The following PLEKHG4B variants were observed in gnomAD, a reference collection of about 807,000 sequenced individuals.
The protein encoded by PLEKHG4B is pleckstrin homology domain-containing family G member 4B.
In PLEKHG4B, 111 loss-of-function variants were observed where a neutral mutation model predicts 121.3. The observed-to-expected ratio is 0.92, with a 90% CI of 0.78 to 1.07. The LOEUF is 1.07. PLEKHG4B is among the 50% of genes least tolerant of loss of function. PLEKHG4B has a pLI of 0.00. For missense variants in PLEKHG4B, 1,831 were observed against 1,757.8 expected, an observed-to-expected ratio of 1.04 and a Z score of -0.74; for synonymous variants, 738 against 725.0, an observed-to-expected ratio of 1.02 and a Z score of -0.29.
intron 1 of PLEKHG4B, among the ~76,000 whole-genome samples, chr5:94,995 T>C (rs1263522207): frequency 6.6e-6 from 1 of 152,236 alleles, no homozygotes; most frequent in Non-Finnish European, 1.5e-5. Context: ...TACTGTCCTT[T>C]AACAGAATGT....
chr5:132,611 G>A (rs771856089), intron 2 of PLEKHG4B, among the ~76,000 whole-genome samples: 35 of 152,116 alleles, frequency 2.3e-4, no homozygotes, highest in Non-Finnish European at 4.7e-4. Flanking sequence ...TTCTACATGT[G>A]GCTAGCCGAT....
At chr5:142,856 C>T (rs750647547) in intron 3 of PLEKHG4B, among the ~76,000 whole-genome samples, 191 bp from the exon 4 acceptor site, 14 of 152,208 alleles carry the variant, frequency 9.2e-5, no homozygotes, top group Non-Finnish European at 1.6e-4. Context: ...GCCGCGTGTC[C>T]GTGATGACGC....
At chr5:138,332 C>T (rs182037899) in intron 2 of PLEKHG4B, among the ~76,000 whole-genome samples, 1 of 152,316 alleles carries the variant, frequency 6.6e-6, no homozygotes, top group African/African-American at 2.4e-5. Flanking sequence ...ATATTCTCCC[C>T]TTGCGTGAAG....
intron 1 of PLEKHG4B, among the ~76,000 whole-genome samples, chr5:107,570 G>A (rs948921381): frequency 3.3e-5 from 5 of 152,338 alleles, no homozygotes; most frequent in South Asian, 2.1e-4. Context: ...CTCTTCTTCC[G>A]GGAAGCTGGC....
intron 2 of PLEKHG4B, among the ~76,000 whole-genome samples, chr5:126,987 A>C (rs1734637520): frequency 6.6e-6 from 1 of 152,030 alleles, no homozygotes; most frequent in Non-Finnish European, 1.5e-5. Flanking sequence ...GAAGCTGGCC[A>C]CCCCACCCTA....
intron 2 of PLEKHG4B, among the ~76,000 whole-genome samples, chr5:136,422 C>T (rs1188165325): frequency 6.6e-6 from 1 of 152,126 alleles, no homozygotes; most frequent in South Asian, 2.1e-4. Context: ...TTGTGTATCT[C>T]ATAAGGGATT....
intron 2 of PLEKHG4B, among the ~76,000 whole-genome samples, chr5:121,142 G>A (rs1382193995): frequency 1.3e-5 from 2 of 152,064 alleles, no homozygotes; most frequent in African/African-American, 2.4e-5. Context: ...AGCTACTCGG[G>A]AGGCTGAGGC....
At chr5:171,528 C>G (rs13171103) in intron 16 of PLEKHG4B, 84 bp downstream of exon 16, 897,925 of 1,307,542 alleles carry the variant, frequency 0.69, 314,185 homozygotes, top group Non-Finnish European at 0.72. Context: ...CAGCAGCACA[C>G]TTTTCTTGGT....
At chr5:169,627 G>A (rs750072786) in intron 14 of PLEKHG4B, 35 bp downstream of exon 14, 4 of 1,605,200 alleles carry the variant, frequency 2.5e-6, no homozygotes, top group Admixed American at 1.7e-5. Flanking sequence ...GCCGGGCAAC[G>A]TGGTGGGTGA....
In PLEKHG4B at chr5:159,788, C is replaced by T. The variant is rs1370200222; in HGVS notation, c.2488-1995C>T. On this transcript the variant is annotated intron_variant, in intron 11 of 19. Coordinates refer to ENST00000637938, the MANE Select transcript of PLEKHG4B (RefSeq NM_052909.5). The surrounding 1 kb of genome is among the most constrained non-coding windows in gnomAD (Gnocchi z 5.5). The stretch of plus-strand genomic sequence containing the variant: ...AGTGTTCACCTGCCAGGGAACAGAC[C>T]CTGGGCCCTGTGGAGCAGGGTGCCC... 6.6e-6 allele frequency among the ~76,000 whole-genome samples: 1 copy of T among 152,172 alleles called. No homozygotes were observed. Among genetic ancestry groups the T allele is most frequent in the Non-Finnish European group, 1.5e-5 (1 of 68,034 alleles).
rs139086978 is a variant in PLEKHG4B, at chr5:169,534, G to A, written c.3671G>A (p.Arg1224Gln). The A allele has an allele frequency of 3.5e-4, 560 of 1,613,876 alleles. 1 individual carries two copies. Among genetic ancestry groups the A allele is most frequent in the Admixed American group, 3.5e-4 (21 of 60,010 alleles). ...LHDFHQQHFL[R>Q]ELERCQHCPL... Reference sequence around the variant, plus strand: ...GACTTCCACCAGCAGCACTTCCTCCGGGAGCTGGAGCGCTGCCAGCACTGC... The same window carrying A: ...GACTTCCACCAGCAGCACTTCCTCCAGGAGCTGGAGCGCTGCCAGCACTGC... Residue 1224 changes from arginine to glutamine, a missense_variant, in exon 14 of 20, where the codon CGG becomes CAG. Physicochemically the swap from Arg to Gln is conservative, Grantham distance 43 (BLOSUM62 1). Coordinates refer to ENST00000637938, the MANE Select transcript of PLEKHG4B (RefSeq NM_052909.5).
chr5:148,345 A>C (rs1030961962), intron 6 of PLEKHG4B, among the ~76,000 whole-genome samples: 2 of 103,314 alleles, frequency 1.9e-5, no homozygotes, highest in Non-Finnish European at 3.7e-5. Flanking sequence ...ACAGTTCCAC[A>C]AAAAAAAAAA....
intron 3 of PLEKHG4B, among the ~76,000 whole-genome samples, chr5:142,632 TCACACAAA>T (rs1735253585): frequency 6.7e-6 from 1 of 148,506 alleles, no homozygotes; most frequent in Non-Finnish European, 1.5e-5. Flanking sequence ...ACACACACAA[TCACACAAA>T]CACAGTAACA....
At chr5:135,078 A>G (rs572741142) in intron 2 of PLEKHG4B, among the ~76,000 whole-genome samples, 1 of 150,702 alleles carries the variant, frequency 6.6e-6, no homozygotes, top group Non-Finnish European at 1.5e-5. Context: ...AGTCCCAGCT[A>G]CTGGGAGGCT....
chr5:140,019 C>T lies in PLEKHG4B; in HGVS notation c.780C>T (p.Ser260=), dbSNP rs1355752352. 4.9e-6 allele frequency: 2 copies of T among 411,734 alleles called. No homozygotes were observed. The highest frequency in any genetic ancestry group is 4.3e-6 in the Non-Finnish European group (1 of 233,662). 25.5% of individuals were successfully genotyped at this position (411,734 alleles called of 1,614,324 possible). A position where few individuals can be genotyped will look rare whatever the true frequency, so the allele number is the denominator to read the frequency against. The part of the protein sequence containing the change: ...TSPCRRGHTG[S]DQLRHLPYPE... Reference sequence around the variant, plus strand: ...CCTGCCGCCGAGGGCATACGGGCAGCGACCAGCTCAGGCACCTTCCTTATC... The same window carrying T: ...CCTGCCGCCGAGGGCATACGGGCAGTGACCAGCTCAGGCACCTTCCTTATC... Residue 260 remains serine, a synonymous_variant, in exon 3 of 20, where the codon AGC becomes AGT. Transcript: ENST00000637938.
chr5:177,302 A>G (rs964728827), intron 18 of PLEKHG4B, among the ~76,000 whole-genome samples: 2 of 152,094 alleles, frequency 1.3e-5, no homozygotes, highest in African/African-American at 4.8e-5. Flanking sequence ...GCATCCCAGA[A>G]GTTTGTATAT....
chr5:133,913 G>GACCCACACAC (rs1734848752), intron 2 of PLEKHG4B, among the ~76,000 whole-genome samples: 1 of 135,578 alleles, frequency 7.4e-6, no homozygotes, highest in African/African-American at 3.0e-5. Flanking sequence ...AAGAAAATGT[G>GACCCACACAC]ACACACACGC....
Position 169,545 on chromosome 5 carries a change from C to A in PLEKHG4B, c.3682C>A (p.Arg1228Ser), listed in dbSNP as rs542193129. The A allele has an allele frequency of 6.2e-7, 1 of 1,613,912 alleles. No individual in the cohort carries two copies. Among genetic ancestry groups the A allele is most frequent in the African/African-American group, 1.3e-5 (1 of 75,066 alleles). Residue 1228 changes from arginine (R) to serine (S), a missense_variant, in exon 14 of 20, where the codon CGC becomes AGC. Physicochemically the swap from Arg to Ser is moderately radical, Grantham distance 110. Coordinates refer to ENST00000637938, the MANE Select transcript of PLEKHG4B (RefSeq NM_052909.5). ...GCAGCACTTCCTCCGGGAGCTGGAGCGCTGCCAGCACTGCCCCTTGGCCGT... is the reference window on the plus strand; with the variant it reads ...GCAGCACTTCCTCCGGGAGCTGGAGAGCTGCCAGCACTGCCCCTTGGCCGT... ...HQQHFLRELE[R>S]CQHCPLAVGR...
intron 13 of PLEKHG4B, among the ~76,000 whole-genome samples, chr5:164,944 C>T (rs1467586062): frequency 5.9e-5 from 3 of 50,726 alleles, no homozygotes; most frequent in Non-Finnish European, 1.3e-4. Context: ...TGTGACGGGG[C>T]GGGGCTTACA....
Sources: gnomAD v4.1 joint callset for allele counts (sites outside exome capture counted in the v4.1 genomes callset) on GRCh38, gnomAD v4.1.1 for gene constraint, Gnocchi (gnomAD v3.1) non-coding constraint, MANE v1.5 for transcripts, NCBI Gene and HGNC (gene_info 2026-07-23, HGNC 2026-07-21) for gene names.